Variants in KANSL1L observed in about 807,000 individuals in gnomAD.
The protein encoded by KANSL1L is KAT8 regulatory NSL complex subunit 1 like.
Under a neutral mutation model 108.6 loss-of-function variants are expected in KANSL1L, and 25 were observed. The observed-to-expected ratio is 0.23, with a 90% confidence interval of 0.17 to 0.32. KANSL1L has a LOEUF of 0.32. KANSL1L is among the 10% of genes least tolerant of loss of function. The pLI is 1.00. For synonymous variants in KANSL1L, 405 were observed against 395.1 expected, an observed-to-expected ratio of 1.03 and a Z score of -0.30; for missense variants, 1,137 against 1,125.7, an observed-to-expected ratio of 1.01 and a Z score of -0.14.
rs2094196643 is a variant in KANSL1L, at chr2:210,043,965, A to C, written c.1895T>G (p.Phe632Cys). ...TGATGGCAATGATAGAACAGAATGGAAAGAGGAATCTAACTCTGATACATG... is the reference window on the plus strand; with the variant it reads ...TGATGGCAATGATAGAACAGAATGGCAAGAGGAATCTAACTCTGATACATG... ...REHVSELDSSFHSVLSLPSDV... is the reference protein window; with the variant it reads ...REHVSELDSSCHSVLSLPSDV... Residue 632 changes from phenylalanine to cysteine, a missense_variant, in exon 7 of 15, where the codon TTC (phenylalanine) becomes TGC (cysteine). Around this residue, in one of 3 missense-constraint regions of KANSL1L, gnomAD observed 575 missense variants for 567.1 expected, o/e 1.01. Transcript: ENST00000281772. 2 of 1,599,542 alleles carry C rather than the reference A, an allele frequency of 1.3e-6. No homozygotes were observed. The highest frequency in any genetic ancestry group is 2.3e-5 in the South Asian group (2 of 88,820).
At chr2:210,141,041 T>C (rs2095223192) in intron 2 of KANSL1L, among the ~76,000 whole-genome samples, 2 of 152,092 alleles carry the variant, frequency 1.3e-5, no homozygotes. Context: ...ATCTCTAAGA[T>C]GTCATCAGCA....
At chr2:210,151,038 T>A (rs564593365) in intron 2 of KANSL1L, among the ~76,000 whole-genome samples, 1 of 152,158 alleles carries the variant, frequency 6.6e-6, no homozygotes, top group South Asian at 2.1e-4. Flanking sequence ...TTTTTTGATA[T>A]GAGTTTTACT....
intron 6 of KANSL1L, among the ~76,000 whole-genome samples, chr2:210,057,174 G>A (rs1397279870): frequency 6.6e-6 from 1 of 152,116 alleles, no homozygotes; most frequent in Non-Finnish European, 1.5e-5. Flanking sequence ...GGCCAAGGTG[G>A]GCAGATCCCT....
intron 3 of KANSL1L, among the ~76,000 whole-genome samples, chr2:210,126,540 C>T (rs1205259015): frequency 3.9e-5 from 6 of 152,166 alleles, no homozygotes; most frequent in Non-Finnish European, 7.3e-5. Context: ...TAGAGTTGGG[C>T]TCGGTGGCCC....
intron 1 of KANSL1L, among the ~76,000 whole-genome samples, chr2:210,162,498 T>C (rs2095367374): frequency 1.3e-5 from 2 of 151,936 alleles, no homozygotes; most frequent in South Asian, 2.1e-4. Flanking sequence ...CTTTTAAACA[T>C]TCAAGTGGAA....
intron 6 of KANSL1L, among the ~76,000 whole-genome samples, chr2:210,075,209 A>G (rs746688080): frequency 1.6e-4 from 24 of 152,178 alleles, no homozygotes; most frequent in African/African-American, 5.5e-4. Flanking sequence ...TTATGGACAA[A>G]TATGTAGTAC....
chr2:210,145,947 G>A (rs574563745), intron 2 of KANSL1L, among the ~76,000 whole-genome samples: 1 of 152,094 alleles, frequency 6.6e-6, no homozygotes, highest in South Asian at 2.1e-4. Flanking sequence ...TGTCAGGATT[G>A]GGAGGGTGGT....
intron 6 of KANSL1L, among the ~76,000 whole-genome samples, chr2:210,061,387 T>A (rs1462834155): frequency 6.6e-6 from 1 of 152,166 alleles, no homozygotes; most frequent in Non-Finnish European, 1.5e-5. Context: ...GGCTGAGACA[T>A]CAATAGTATA....
rs1157688636 is a variant in KANSL1L at position 210,154,243 on chromosome 2, A to G, written c.340T>C (p.Tyr114His). 6.2e-7 allele frequency: 1 copy of G among 1,613,932 alleles called. No homozygotes were observed. Among genetic ancestry groups the G allele is most frequent in the Non-Finnish European group, 8.5e-7 (1 of 1,180,008 alleles). ...CTGAGCTGAATGTTGCTGCCATTAT[A>G]CAGTATGTTTTTCAGCTTATTGCAA... is the stretch of plus-strand genomic sequence containing the variant. ...PSCNKLKNIL[Y>H]NGSNIQLSKI... The change falls in exon 2 of 15, where the codon TAT (tyrosine) becomes CAT (histidine). Residue 114 changes from tyrosine to histidine, a missense_variant. Around this residue, in one of 3 missense-constraint regions of KANSL1L, gnomAD observed 556 missense variants for 537.7 expected, o/e 1.03. Coordinates refer to ENST00000281772, the MANE Select transcript of KANSL1L (RefSeq NM_152519.4).
intron 3 of KANSL1L, among the ~76,000 whole-genome samples, chr2:210,122,722 A>G (rs1407405987): frequency 6.6e-6 from 1 of 152,170 alleles, no homozygotes; most frequent in Non-Finnish European, 1.5e-5. Flanking sequence ...TCTGCATAGC[A>G]AAAGAAATAA....
intron 3 of KANSL1L, among the ~76,000 whole-genome samples, chr2:210,107,873 G>A (rs1220883267): frequency 6.6e-6 from 1 of 152,014 alleles, no homozygotes. Flanking sequence ...ACCATAAGAA[G>A]AATGGTAAAG....
chr2:210,050,687 T>G (rs1482202905), intron 6 of KANSL1L, among the ~76,000 whole-genome samples: 1 of 134,644 alleles, frequency 7.4e-6, no homozygotes, highest in East Asian at 2.2e-4. Flanking sequence ...TGAGACCATC[T>G]CTACAGAAAA....
intron 2 of KANSL1L, among the ~76,000 whole-genome samples, chr2:210,140,948 A>C (rs1261695423): frequency 6.6e-6 from 1 of 152,172 alleles, no homozygotes; most frequent in Non-Finnish European, 1.5e-5. Flanking sequence ...AATAATACAG[A>C]TCTTTGTAGA....
chr2:210,025,686 A>G (rs561030532), intron 12 of KANSL1L, among the ~76,000 whole-genome samples: 20 of 152,340 alleles, frequency 1.3e-4, no homozygotes, highest in Middle Eastern at 3.4e-3. Context: ...ATTCCTGTAA[A>G]AGGGGAGTCA....
rs1019564460 is a variant in KANSL1L at position 210,035,714 on chromosome 2, G to A, written c.2030-4168C>T. 2.0e-5 allele frequency among the ~76,000 whole-genome samples: 3 copies of A among 152,054 alleles called. No homozygotes were observed. The East Asian group carries it at 5.8e-4, about 29-fold the overall frequency. On this transcript the variant is annotated intron_variant, in intron 8 of 14. Coordinates refer to ENST00000281772, the MANE Select transcript of KANSL1L (RefSeq NM_152519.4). The stretch of plus-strand genomic sequence containing the variant: ...GGCTGGTCTTAAACTCCTGACCTCA[G>A]GTGATCCACCTGCCTCAGCCTCCCA...
At chr2:210,103,128 T>C (rs2094810991) in intron 4 of KANSL1L, among the ~76,000 whole-genome samples, 1 of 152,200 alleles carries the variant, frequency 6.6e-6, no homozygotes, top group Non-Finnish European at 1.5e-5. Flanking sequence ...CATGGAATAC[T>C]ATGTAGCCAT....
At chr2:210,036,403 A>C (rs1251237511) in intron 8 of KANSL1L, among the ~76,000 whole-genome samples, 1 of 151,954 alleles carries the variant, frequency 6.6e-6, no homozygotes, top group Non-Finnish European at 1.5e-5. Context: ...GCTGGTCTTG[A>C]ACTCCTGGGC....
intron 7 of KANSL1L, among the ~76,000 whole-genome samples, chr2:210,043,041 C>T (rs1385104396): frequency 2.6e-5 from 4 of 152,074 alleles, no homozygotes; most frequent in Non-Finnish European, 5.9e-5. Flanking sequence ...TTTCTTTCTC[C>T]CCTAAATATT....
chr2:210,067,806 T>G (rs955528473), intron 6 of KANSL1L, among the ~76,000 whole-genome samples: 12 of 152,012 alleles, frequency 7.9e-5, no homozygotes, highest in African/African-American at 2.4e-4. Context: ...TTTCATATGT[T>G]TATTGGCCAT....
Sources: gnomAD v4.1 joint callset for allele counts (sites outside exome capture counted in the v4.1 genomes callset) on GRCh38, gnomAD v4.1.1 for gene constraint, gnomAD v4.1.1 regional missense constraint, MANE v1.5 for transcripts, NCBI Gene and HGNC (gene_info 2026-07-23, HGNC 2026-07-21) for gene names.